The following FCRL2 variants were observed in gnomAD, a reference collection of about 807,000 sequenced individuals.
FCRL2 encodes the protein Fc receptor like 2.
A neutral mutation model predicts 59.8 loss-of-function variants in FCRL2; 48 were observed. The ratio of observed to expected loss-of-function variants is 0.80; its 90% CI spans 0.64 to 1.02. The LOEUF (loss-of-function observed/expected upper bound fraction) is 1.02. Ranked by LOEUF, FCRL2 falls within the 50% of genes least tolerant of loss-of-function variation. FCRL2 has a pLI of 0.00. For synonymous variants in FCRL2, 251 were observed against 229.5 expected (o/e 1.09, Z -0.85); for missense variants, 658 against 597.3 (o/e 1.10, Z -1.06).
chr1:157,767,650 A>C (rs763139116), intron 5 of FCRL2, 141 bp from the exon 6 acceptor site: 2 of 1,605,978 alleles, frequency 1.2e-6, no homozygotes, highest in South Asian at 2.2e-5. Flanking sequence ...TAGAACAGTT[A>C]GAGATAATTT....
Position 157,767,453 on chromosome 1 carries a change from C to T in FCRL2, c.940G>A (p.Gly314Arg), listed in dbSNP as rs369054801. 1 of 1,614,228 alleles carries T rather than the reference C, an allele frequency of 6.2e-7. No individual in the cohort carries two copies. The highest frequency in any genetic ancestry group is 1.1e-5 in the South Asian group (1 of 91,084). ...TCACAGTGAAGCTCCAGCAGGTCCCCCACTGCAGCCTGGGCCCCAGGAGAC... is the reference window on the plus strand; with the variant it reads ...TCACAGTGAAGCTCCAGCAGGTCCCTCACTGCAGCCTGGGCCCCAGGAGAC... ...LRSPGAQAAV[G>R]DLLELHCEAL... is the part of the protein sequence containing the mutation. Residue 314 changes from glycine to arginine, a missense_variant, in exon 6 of 12, where the codon GGG (glycine) becomes AGG (arginine). By Grantham distance (125) the Gly-to-Arg change is moderately radical. Coordinates refer to ENST00000361516, the MANE Select transcript of FCRL2 (RefSeq NM_030764.4).
At chr1:157,747,868 GA>G (rs1437916971) in intron 10 of FCRL2, among the ~76,000 whole-genome samples, 1 of 152,184 alleles carries the variant, frequency 6.6e-6, no homozygotes, top group Non-Finnish European at 1.5e-5. Context: ...TCCTTCAAAA[GA>G]GACACTTTAA....
intron 7 of FCRL2, among the ~76,000 whole-genome samples, chr1:157,751,978 G>A (rs1198402934): frequency 6.6e-6 from 1 of 152,200 alleles, no homozygotes; most frequent in East Asian, 1.9e-4. Context: ...AGCAAGTTGA[G>A]GAAAGAGAGA....
chr1:157,768,177 C>G (rs1247162210), intron 5 of FCRL2: 9 of 485,312 alleles, frequency 1.9e-5, no homozygotes, highest in Admixed American at 1.5e-4. Context: ...TTTTATCATC[C>G]TATCGTAGGA....
Position 157,745,783 on chromosome 1 carries a change from T to C in FCRL2, c.*953A>G, listed in dbSNP as rs1647699768. ...TATACTTACAAAAGTAATATCATAG[T>C]TTATTGCAAATACTCATATTTACTA... On this transcript the variant is annotated 3_prime_UTR_variant, in exon 12 of 12. Coordinates refer to ENST00000361516, the MANE Select transcript of FCRL2 (RefSeq NM_030764.4). 6.6e-6 allele frequency: 1 copy of C among 152,214 alleles called. No homozygotes were observed. The highest frequency in any genetic ancestry group is 1.5e-5 in the Non-Finnish European group (1 of 68,044). The allele number at this position is 152,214 out of a possible 1,614,324, so 9.4% of individuals were successfully genotyped here. A position where few individuals can be genotyped will look rare whatever the true frequency, so the allele number is the denominator to read the frequency against.
Position 157,758,680 on chromosome 1 carries a change from C to CAAAAAAAAAAAAAAAAAAAAAAAAA in FCRL2, c.1279+8174_1279+8175insTTTTTTTTTTTTTTTTTTTTTTTTT, listed in dbSNP as rs59716565. On this transcript the variant is annotated intron_variant, in intron 7 of 11. Transcript: ENST00000361516. ...CCCAAATAGCCAAAGCAGTCCCAAG[C>CAAAAAAAAAAAAAAAAAAAAAAAAA]AAAAAAAAAAAAAAAAAAAAAACAA... Among the ~76,000 whole-genome samples the CAAAAAAAAAAAAAAAAAAAAAAAAA allele has an allele frequency of 1.1e-4, 6 of 55,402 alleles. 2 individuals carry two copies. Among genetic ancestry groups the CAAAAAAAAAAAAAAAAAAAAAAAAA allele is most frequent in the African/African-American group, 1.4e-4 (2 of 14,732 alleles). The allele number at this position is 55,402 out of a possible 152,430, so 36.3% of individuals were successfully genotyped here.
rs2101658956 is a variant in FCRL2, at chr1:157,747,656, G to T, written c.1460-757C>A. Reference sequence around the variant, plus strand: ...CACTGGCTCCATCAGAGGCAACCAGGAGTACAGAACAAAGGACAGCTTTTA... The same window carrying T: ...CACTGGCTCCATCAGAGGCAACCAGTAGTACAGAACAAAGGACAGCTTTTA... On this transcript the variant is annotated intron_variant, in intron 10 of 11. Coordinates refer to ENST00000361516, the MANE Select transcript of FCRL2 (RefSeq NM_030764.4). 1.3e-5 allele frequency among the ~76,000 whole-genome samples: 2 copies of T among 152,284 alleles called. 1 individual carries two copies. The highest frequency in any genetic ancestry group is 4.2e-4 in the South Asian group (2 of 4,816).
intron 2 of FCRL2, among the ~76,000 whole-genome samples, chr1:157,773,037 C>A (rs540999541): frequency 6.6e-6 from 1 of 152,174 alleles, no homozygotes; most frequent in Non-Finnish European, 1.5e-5. Context: ...CACACCAAGT[C>A]CCCCTTTAAA....
Position 157,746,629 on chromosome 1 carries a change from C to A in FCRL2, c.*107G>T. Reference sequence around the variant, plus strand: ...CAGGAGGTGCCTCCTGAGGCACGTTCTGGCTGTGGCAGGTGATAAGCCTCA... The same window carrying A: ...CAGGAGGTGCCTCCTGAGGCACGTTATGGCTGTGGCAGGTGATAAGCCTCA... On this transcript the variant is annotated 3_prime_UTR_variant, in exon 12 of 12. Coordinates refer to ENST00000361516, the MANE Select transcript of FCRL2 (RefSeq NM_030764.4). 5 of 1,123,062 alleles carry A rather than the reference C, an allele frequency of 4.5e-6. No individual in the cohort carries two copies. In the South Asian group the frequency reaches 6.7e-5, roughly 15 times the overall value. The allele number at this position is 1,123,062 out of a possible 1,614,324, so 69.6% of individuals were successfully genotyped here. A position where few individuals can be genotyped will look rare whatever the true frequency, so the allele number is the denominator to read the frequency against.
chr1:157,766,396 A>G (rs1393651062), intron 7 of FCRL2, among the ~76,000 whole-genome samples: 1 of 152,062 alleles, frequency 6.6e-6, no homozygotes, highest in East Asian at 1.9e-4. Context: ...GTGTGAACCC[A>G]GGAGGCGGAG....
intron 7 of FCRL2, 97 bp downstream of exon 7, chr1:157,766,758 G>C: frequency 1.3e-6 from 2 of 1,564,684 alleles, no homozygotes; most frequent in East Asian, 2.3e-5. Context: ...GGCTTTTGGA[G>C]AGTTTTCTTT....
chr1:157,774,450 T>C (rs1412785492), intron 2 of FCRL2: 1 of 456,472 alleles, frequency 2.2e-6, no homozygotes, highest in Non-Finnish European at 4.4e-6. Flanking sequence ...AAGTTCTCTC[T>C]TACTCTTTTT....
chr1:157,770,323 T>C, intron 3 of FCRL2, 86 bp downstream of exon 3: 1 of 1,504,716 alleles, frequency 6.6e-7, no homozygotes, highest in Non-Finnish European at 9.0e-7. Context: ...ATTTAGCCCA[T>C]GAGCAGCTTT....
At chr1:157,765,125 C>T (rs1038965054) in intron 7 of FCRL2, among the ~76,000 whole-genome samples, 11 of 152,042 alleles carry the variant, frequency 7.2e-5, no homozygotes, top group South Asian at 4.2e-4. Context: ...AACGAAAAAG[C>T]AGACATTGCA....
Position 157,766,851 on chromosome 1 carries a change from C to G in FCRL2, c.1279+4G>C. On this transcript the variant is annotated splice_donor_region_variant and intron_variant, in intron 7 of 11. Transcript: ENST00000361516. ...ATATGGAGAATCCAAATGGTAGATA[C>G]AACCTGATATCTTGTGGAACAAGGC... is the stretch of plus-strand genomic sequence containing the variant. The G allele has an allele frequency of 6.2e-7, 1 of 1,614,068 alleles. No homozygotes were observed. The highest frequency in any genetic ancestry group is 1.1e-5 in the South Asian group (1 of 91,076).
rs1553203602 is a variant in FCRL2 at position 157,760,698 on chromosome 1, G to GGAAAGAAAGAAATAAAGAAAGAAA, written c.1279+6156_1279+6157insTTTCTTTCTTTATTTCTTTCTTTC. ...AGGAAGGAAAGAAAGAAAGAAAGAA[G>GGAAAGAAAGAAATAAAGAAAGAAA]GAAAGAAAGAAAGAAAGAAAGAAAG... On this transcript the variant is annotated intron_variant, in intron 7 of 11. Coordinates refer to ENST00000361516, the MANE Select transcript of FCRL2 (RefSeq NM_030764.4). Among the ~76,000 whole-genome samples the GGAAAGAAAGAAATAAAGAAAGAAA allele has an allele frequency of 7.5e-4, 73 of 97,284 alleles. 1 individual carries two copies. Among genetic ancestry groups the GGAAAGAAAGAAATAAAGAAAGAAA allele is most frequent in the Non-Finnish European group, 9.3e-4 (47 of 50,318 alleles). The allele number at this position is 97,284 out of a possible 152,430, so 63.8% of individuals were successfully genotyped here. A position where few individuals can be genotyped will look rare whatever the true frequency, so the allele number is the denominator to read the frequency against.
chr1:157,767,781 C>CT (rs957466682), intron 5 of FCRL2: 62 of 1,168,410 alleles, frequency 5.3e-5, no homozygotes, highest in East Asian at 1.3e-4. Flanking sequence ...CTTCATATTT[C>CT]TTTTTTTTCT....
chr1:157,776,927 G>A (rs1650458655), intron 1 of FCRL2, 116 bp downstream of exon 1: 5 of 971,806 alleles, frequency 5.1e-6, no homozygotes, highest in Non-Finnish European at 8.3e-6. Flanking sequence ...CCAAGCTGCA[G>A]GCAGGACCTG....
In FCRL2 at chr1:157,746,776, T is replaced by C; in HGVS notation, c.1489-2A>G. On this transcript the variant is annotated splice_acceptor_variant, in intron 11 of 11. Transcript: ENST00000361516. LOFTEE classifies it high-confidence loss of function. ...AGAAGAGTAGATGACTTGGGAGTCC[T>C]GGGAGAGACACACAGGAATAAAGAC... 6.2e-7 allele frequency: 1 copy of C among 1,614,020 alleles called. No homozygotes were observed. The highest frequency in any genetic ancestry group is 8.5e-7 in the Non-Finnish European group (1 of 1,179,874).
Sources: allele counts gnomAD v4.1 joint callset (sites outside exome capture counted in the v4.1 genomes callset), GRCh38; gene constraint gnomAD v4.1.1; transcripts MANE v1.5; gene names NCBI Gene and HGNC (gene_info 2026-07-23, HGNC 2026-07-21).